Variants in KYNU observed in about 807,000 individuals in gnomAD.
KYNU encodes kynureninase.
KYNU carries 54 observed loss-of-function variants against 59.2 expected under a neutral mutation model. The ratio of observed to expected loss-of-function variants is 0.91; its 90% CI spans 0.73 to 1.14. KYNU has a LOEUF of 1.14. Among genes scored for constraint, KYNU ranks in the 50% most tolerant of loss-of-function variants. KYNU has a pLI of 0.00. For synonymous variants in KYNU, 177 were observed against 192.0 expected (o/e 0.92, Z 0.65); for missense variants, 567 against 554.4 (o/e 1.02, Z -0.23).
At chr2:143,002,715 T>G (rs1477386620) in intron 10 of KYNU, among the ~76,000 whole-genome samples, 1 of 152,206 alleles carries the variant, frequency 6.6e-6, no homozygotes, top group Admixed American at 6.5e-5. Context: ...AAATACATGT[T>G]GCTATTTTTT....
rs1175485394 is a variant in KYNU, at chr2:143,047,834, G to A, written c.*5662G>A. 1.4e-5 allele frequency: 2 copies of A among 146,946 alleles called. No individual in the cohort carries two copies. Among genetic ancestry groups the A allele is most frequent in the East Asian group, 2.0e-4 (1 of 5,006 alleles). The allele number at this position is 146,946 out of a possible 1,614,324, so 9.1% of individuals were successfully genotyped here. ...CCTCAGCCTCCCATTACAGGCATAAGCTGCCACTCCTGGACCTCTTTTTTT... is the reference window on the plus strand; with the variant it reads ...CCTCAGCCTCCCATTACAGGCATAAACTGCCACTCCTGGACCTCTTTTTTT... On this transcript the variant is annotated 3_prime_UTR_variant, in exon 14 of 14. Transcript: ENST00000264170.
intron 12 of KYNU, 92 bp from the exon 13 acceptor site, chr2:143,040,336 G>T: frequency 3.6e-6 from 3 of 825,588 alleles, no homozygotes; most frequent in South Asian, 2.8e-5. Context: ...GATCAAATAT[G>T]GGCATTTCCT....
intron 1 of KYNU, among the ~76,000 whole-genome samples, chr2:142,880,654 T>G (rs1034471951): frequency 2.0e-5 from 3 of 152,250 alleles, no homozygotes; most frequent in Admixed American, 6.5e-5. Context: ...TGAAAGAATT[T>G]GATTATGTAC....
chr2:142,986,635 A>C (rs1394029461), intron 10 of KYNU, among the ~76,000 whole-genome samples: 1 of 151,730 alleles, frequency 6.6e-6, no homozygotes, highest in South Asian at 2.1e-4. Flanking sequence ...ACAAACTTAC[A>C]CATTTTTATT....
At chr2:142,988,807 T>C in intron 10 of KYNU, 1 of 1,426,204 alleles carries the variant, frequency 7.0e-7, no homozygotes, top group Non-Finnish European at 9.9e-7. Flanking sequence ...CTCTCTATTC[T>C]GTACCAAGTA....
chr2:142,950,952 A>G (rs1683970618), intron 4 of KYNU, among the ~76,000 whole-genome samples: 1 of 152,142 alleles, frequency 6.6e-6, no homozygotes, highest in African/African-American at 2.4e-5. Context: ...GTCTCAGGGA[A>G]CAGGGAGGCT....
intron 12 of KYNU, among the ~76,000 whole-genome samples, chr2:143,033,898 A>AT (rs890287146): frequency 9.9e-5 from 15 of 152,092 alleles, no homozygotes; most frequent in African/African-American, 3.6e-4. Flanking sequence ...TGGTTTTATG[A>AT]TTTTTTTAAA....
At chr2:142,933,550 TG>T (rs1683294100) in intron 4 of KYNU, among the ~76,000 whole-genome samples, 2 of 152,114 alleles carry the variant, frequency 1.3e-5, no homozygotes, top group Admixed American at 1.3e-4. Context: ...AGGAGAGATA[TG>T]CAGTCAGCTG....
intron 4 of KYNU, chr2:142,947,734 T>G (rs193080663): frequency 3.9e-5 from 6 of 154,270 alleles, no homozygotes; most frequent in African/African-American, 1.2e-4. Flanking sequence ...GCATTTCTGC[T>G]GATAATGCTG....
chr2:142,989,538 CATT>C (rs1685329007), intron 10 of KYNU: 1 of 960,644 alleles, frequency 1.0e-6, no homozygotes, highest in Non-Finnish European at 1.2e-6. Context: ...ATCGAAATAA[CATT>C]TCTTCTCATG....
At chr2:142,944,539 A>G (rs920465821) in intron 4 of KYNU, among the ~76,000 whole-genome samples, 5 of 152,206 alleles carry the variant, frequency 3.3e-5, no homozygotes, top group Admixed American at 2.0e-4. Flanking sequence ...AAAACCTGCT[A>G]AGCTCTCCAG....
At chr2:142,989,320 T>C (rs575508998) in intron 10 of KYNU, 2 of 975,024 alleles carry the variant, frequency 2.1e-6, no homozygotes, top group East Asian at 9.1e-5. Flanking sequence ...CCTTCTGTCA[T>C]CTTACTTTTC....
chr2:142,916,313 A>T (rs971904402), intron 2 of KYNU, among the ~76,000 whole-genome samples: 1 of 152,158 alleles, frequency 6.6e-6, no homozygotes, highest in Non-Finnish European at 1.5e-5. Flanking sequence ...TGACCCTAAG[A>T]CAAGGCTCAA....
Position 142,896,981 on chromosome 2 carries a change from C to T in KYNU, c.169+11445C>T, listed in dbSNP as rs552976881. On this transcript the variant is annotated intron_variant, in intron 2 of 13. Transcript: ENST00000264170. ...TGTGCTTTAGTTACCATGTCTAAAACCTCCTCATCTAACCATCAGTCTTAA... is the reference window on the plus strand; with the variant it reads ...TGTGCTTTAGTTACCATGTCTAAAATCTCCTCATCTAACCATCAGTCTTAA... Among the ~76,000 whole-genome samples, 11 of 152,242 alleles carry T rather than the reference C, an allele frequency of 7.2e-5. No homozygotes were observed. In the East Asian group the frequency reaches 1.9e-3, roughly 27 times the overall value.
intron 12 of KYNU, among the ~76,000 whole-genome samples, chr2:143,037,566 A>C (rs976868327): frequency 6.6e-6 from 1 of 152,186 alleles, no homozygotes; most frequent in Non-Finnish European, 1.5e-5. Flanking sequence ...AGAGAAAAAT[A>C]TGACAATTGA....
At chr2:142,973,074 A>G (rs1398664048) in intron 8 of KYNU, among the ~76,000 whole-genome samples, 2 of 150,018 alleles carry the variant, frequency 1.3e-5, no homozygotes, top group African/African-American at 4.9e-5. Flanking sequence ...ATATATTTAT[A>G]TATAAACTAA....
Position 142,927,747 on chromosome 2 carries a change from T to C in KYNU, c.373+6T>C, listed in dbSNP as rs760594298. 1 of 1,583,110 alleles carries C rather than the reference T, an allele frequency of 6.3e-7. No individual in the cohort carries two copies. Among genetic ancestry groups the C allele is most frequent in the Non-Finnish European group, 8.7e-7 (1 of 1,151,948 alleles). On this transcript the variant is annotated splice_donor_region_variant and intron_variant, in intron 4 of 13. Transcript: ENST00000264170. The stretch of plus-strand genomic sequence containing the variant: ...CCTTATGAAGGACATTGTAGGTAAG[T>C]ACAAAACACTGAAGTTTTTCCAAAT...
chr2:143,006,876 G>A (rs1302710368), intron 10 of KYNU, among the ~76,000 whole-genome samples: 1 of 151,996 alleles, frequency 6.6e-6, no homozygotes, highest in African/African-American at 2.4e-5. Context: ...CTAACAAGCA[G>A]AAAGGACATC....
chr2:142,877,687 G>A lies in KYNU; in HGVS notation c.-69G>A, dbSNP rs1238475117. Reference sequence around the variant, plus strand: ...GTACATTTTCAAGGAATTCTTGAGAGGTTCTTGGAGAGATTCTGGGAGCCA... The same window carrying A: ...GTACATTTTCAAGGAATTCTTGAGAAGTTCTTGGAGAGATTCTGGGAGCCA... On this transcript the variant is annotated 5_prime_UTR_variant, in exon 1 of 14. Coordinates refer to ENST00000264170, the MANE Select transcript of KYNU (RefSeq NM_003937.3). 2.0e-5 allele frequency: 3 copies of A among 152,196 alleles called. No homozygotes were observed. Among genetic ancestry groups the A allele is most frequent in the African/African-American group, 4.8e-5 (2 of 41,438 alleles). 9.4% of individuals were successfully genotyped at this position (152,196 alleles called of 1,614,324 possible). A position where few individuals can be genotyped will look rare whatever the true frequency, so the allele number is the denominator to read the frequency against.
Sources: gnomAD v4.1 joint callset for allele counts (sites outside exome capture counted in the v4.1 genomes callset) on GRCh38, gnomAD v4.1.1 for gene constraint, MANE v1.5 for transcripts, NCBI Gene and HGNC (gene_info 2026-07-23, HGNC 2026-07-21) for gene names.